DCTN6: variants seen among roughly 807,000 people sequenced by gnomAD.
DCTN6 encodes the protein dynactin 6.
DCTN6 carries 15 observed loss-of-function variants against 25.8 expected under a neutral mutation model. The ratio of observed to expected loss-of-function variants is 0.58; its 90% confidence interval spans 0.39 to 0.89. The LOEUF (loss-of-function observed/expected upper bound fraction) is 0.89, where lower values mean the gene tolerates loss of function less well. Ranked by LOEUF, DCTN6 falls within the 40% of genes least tolerant of loss-of-function variation. The pLI is 0.00. For missense variants in DCTN6, 198 were observed against 237.6 expected, an observed-to-expected ratio of 0.83 and a Z score of 1.09; for synonymous variants, 64 against 78.3, an observed-to-expected ratio of 0.82 and a Z score of 0.96.
At chr8:30,181,217 T>A (rs1269854458) in intron 6 of DCTN6, among the ~76,000 whole-genome samples, 1 of 152,190 alleles carries the variant, frequency 6.6e-6, no homozygotes, top group Non-Finnish European at 1.5e-5. Flanking sequence ...CTTGGTCTCA[T>A]GCATTGTCAC....
intron 1 of DCTN6, among the ~76,000 whole-genome samples, chr8:30,157,279 G>T (rs28708378): frequency 0.047 from 7,226 of 152,202 alleles, 622 homozygotes; most frequent in African/African-American, 0.16. Context: ...CTTTCTTTTT[G>T]ATGGCTCTGT....
chr8:30,177,299 C>G, intron 4 of DCTN6, 85 bp downstream of exon 4: 1 of 1,112,608 alleles, frequency 9.0e-7, no homozygotes, highest in Non-Finnish European at 1.3e-6. Context: ...GTAAATAATT[C>G]CTGGCTCTCC....
rs747873444 is a variant in DCTN6 at position 30,164,149 on chromosome 8, G to A, written c.62G>A (p.Ser21Asn). Reference protein sequence around the residue: ...IAPGAVVCVESEIRGDVTIGP... With the variant: ...IAPGAVVCVENEIRGDVTIGP... ...CCTGGAGCAGTTGTATGTGTAGAAA[G>A]TGAAATCAGAGGAGATGTAACTATC... The change falls in exon 2 of 7, where the codon AGT becomes AAT. Residue 21 changes from serine (S) to asparagine (N), a missense_variant. By Grantham distance (46) the Ser-to-Asn change is conservative. Coordinates refer to ENST00000221114, the MANE Select transcript of DCTN6 (RefSeq NM_006571.4). 1.9e-6 allele frequency: 3 copies of A among 1,613,760 alleles called. No homozygotes were observed. Among genetic ancestry groups the A allele is most frequent in the East Asian group, 4.5e-5 (2 of 44,876 alleles).
intron 2 of DCTN6, among the ~76,000 whole-genome samples, chr8:30,170,073 T>A (rs549448580): frequency 1.3e-5 from 2 of 151,902 alleles, no homozygotes; most frequent in Non-Finnish European, 2.9e-5. Context: ...CTCGGGAGGC[T>A]GAGGCAGGAG....
rs200863630 is a variant in DCTN6, at chr8:30,183,181, G to T, written c.*8G>T. ...ACTCCAGTAAAGAACTAAGAACAGT[G>T]TATAACATGAAGATAACATTTTGTC... is the stretch of plus-strand genomic sequence containing the variant. On this transcript the variant is annotated 3_prime_UTR_variant, in exon 7 of 7. Transcript: ENST00000221114. The T allele has an allele frequency of 6.2e-7, 1 of 1,609,112 alleles. No homozygotes were observed. Among genetic ancestry groups the T allele is most frequent in the South Asian group, 1.1e-5 (1 of 90,938 alleles).
At chr8:30,179,343 C>A in intron 4 of DCTN6, 65 bp from the exon 5 acceptor site, 1 of 1,372,586 alleles carries the variant, frequency 7.3e-7, no homozygotes, top group Non-Finnish European at 1.0e-6. Context: ...AATGTAAGTA[C>A]ATACTGTGTT....
chr8:30,173,731 TAAAAAAAAAA>T (rs371782984), intron 2 of DCTN6, among the ~76,000 whole-genome samples: 1 of 96,048 alleles, frequency 1.0e-5, no homozygotes, highest in Admixed American at 1.1e-4. Context: ...CCCTGTCTCT[TAAAAAAAAAA>T]AAAAAAAAAA....
chr8:30,175,194 A>G lies in DCTN6; in HGVS notation c.194+4A>G. On this transcript the variant is annotated splice_donor_region_variant and intron_variant, in intron 3 of 6. Coordinates refer to ENST00000221114, the MANE Select transcript of DCTN6 (RefSeq NM_006571.4). Reference sequence around the variant, plus strand: ...AACAGGCCCTTATCATAAATGCGTAAGACTCTTATACATACTGTGAACCAA... The same window carrying G: ...AACAGGCCCTTATCATAAATGCGTAGGACTCTTATACATACTGTGAACCAA... The G allele has an allele frequency of 6.2e-7, 1 of 1,611,280 alleles. No homozygotes were observed. The highest frequency in any genetic ancestry group is 8.5e-7 in the Non-Finnish European group (1 of 1,177,738).
chr8:30,175,194 A>T lies in DCTN6; in HGVS notation c.194+4A>T. ...AACAGGCCCTTATCATAAATGCGTA[A>T]GACTCTTATACATACTGTGAACCAA... On this transcript the variant is annotated splice_donor_region_variant and intron_variant, in intron 3 of 6. Coordinates refer to ENST00000221114, the MANE Select transcript of DCTN6 (RefSeq NM_006571.4). The T allele has an allele frequency of 6.2e-7, 1 of 1,611,280 alleles. No individual in the cohort carries two copies. The highest frequency in any genetic ancestry group is 8.5e-7 in the Non-Finnish European group (1 of 1,177,738).
At chr8:30,161,514 A>C (rs1265853820) in intron 1 of DCTN6, among the ~76,000 whole-genome samples, 1 of 152,124 alleles carries the variant, frequency 6.6e-6, no homozygotes, top group African/African-American at 2.4e-5. Flanking sequence ...TCTTGCCTAC[A>C]GGTGCAAATT....
chr8:30,167,346 AGTTT>A (rs904968706), intron 2 of DCTN6, among the ~76,000 whole-genome samples: 2 of 151,850 alleles, frequency 1.3e-5, no homozygotes, highest in Admixed American at 6.6e-5. Context: ...CTTTCCTTTT[AGTTT>A]GTTTGTTTGT....
chr8:30,174,574 G>A (rs749975716), intron 2 of DCTN6, among the ~76,000 whole-genome samples: 3 of 152,002 alleles, frequency 2.0e-5, no homozygotes, highest in African/African-American at 4.8e-5. Context: ...GACCTTAAGC[G>A]ATCTCCCCGC....
At chr8:30,177,074 A>T (rs1208823376) in intron 3 of DCTN6, 52 bp from the exon 4 acceptor site, 1 of 1,462,124 alleles carries the variant, frequency 6.8e-7, no homozygotes, top group Non-Finnish European at 9.5e-7. Flanking sequence ...TGGGAAGAAA[A>T]TTGCTTATTG....
At chr8:30,162,072 G>A (rs1019082169) in intron 1 of DCTN6, among the ~76,000 whole-genome samples, 4 of 151,050 alleles carry the variant, frequency 2.6e-5, no homozygotes, top group Admixed American at 6.6e-5. Flanking sequence ...AAGCATTCTT[G>A]CACAAACATT....
intron 1 of DCTN6, among the ~76,000 whole-genome samples, chr8:30,160,031 G>A (rs1803577379): frequency 6.6e-6 from 1 of 152,080 alleles, no homozygotes; most frequent in African/African-American, 2.4e-5. Flanking sequence ...CTGATTTTGA[G>A]CCCTGGAATT....
intron 1 of DCTN6, among the ~76,000 whole-genome samples, chr8:30,160,820 T>C (rs902556965): frequency 1.3e-5 from 2 of 152,222 alleles, no homozygotes; most frequent in Admixed American, 6.5e-5. Flanking sequence ...CTCCCACAGA[T>C]ACTGGGTACT....
At chr8:30,164,802 C>T (rs1322079376) in intron 2 of DCTN6, among the ~76,000 whole-genome samples, 2 of 152,190 alleles carry the variant, frequency 1.3e-5, no homozygotes, top group Non-Finnish European at 2.9e-5. Context: ...ATGGCTAGAG[C>T]ACCAAGCATC....
At chr8:30,174,429 T>G (rs1420576531) in intron 2 of DCTN6, among the ~76,000 whole-genome samples, 1 of 152,042 alleles carries the variant, frequency 6.6e-6, no homozygotes, top group African/African-American at 2.4e-5. Context: ...GCTTCCTGTG[T>G]TCACATGATT....
chr8:30,178,248 G>C (rs1563231507), intron 4 of DCTN6, among the ~76,000 whole-genome samples: 1 of 152,078 alleles, frequency 6.6e-6, no homozygotes, highest in Non-Finnish European at 1.5e-5. Context: ...CAGATCACCT[G>C]AGGTTGGGAG....
Sources: gnomAD v4.1 joint callset for allele counts (sites outside exome capture counted in the v4.1 genomes callset) on GRCh38, gnomAD v4.1.1 for gene constraint, MANE v1.5 for transcripts, NCBI Gene and HGNC (gene_info 2026-07-23, HGNC 2026-07-21) for gene names.